AHNAK2: variants seen among roughly 807,000 people sequenced by gnomAD.
AHNAK2 encodes the protein protein AHNAK2.
In AHNAK2, 18 loss-of-function variants were observed where a neutral mutation model predicts 30.7. The ratio of observed to expected loss-of-function variants is 0.59; its 90% CI spans 0.41 to 0.87. The LOEUF (loss-of-function observed/expected upper bound fraction) is 0.87, where lower values mean the gene tolerates loss of function less well. AHNAK2 is among the 40% of genes least tolerant of loss of function. The pLI is 0.00. For synonymous variants in AHNAK2, 3,590 were observed against 3,073.8 expected (o/e 1.17, Z -5.56); for missense variants, 8,604 against 7,373.0 (o/e 1.17, Z -6.11).
At position 104,950,593 on chromosome 14, in the gene AHNAK2, A is replaced by G; in HGVS notation, c.4858T>C (p.Ser1620Pro). ...VEVTAPDVKM[S>P]LSSMEVDVQA... Reference sequence around the variant, plus strand: ...ACGTCCACCTCCATGCTGGACAGAGACATCTTCACATCGGGGGCTGTCACT... The same window carrying G: ...ACGTCCACCTCCATGCTGGACAGAGGCATCTTCACATCGGGGGCTGTCACT... The change falls in exon 7 of 7, where the codon TCT becomes CCT. Residue 1620 changes from serine to proline, a missense_variant. Physicochemically the swap from Ser to Pro is moderately conservative, Grantham distance 74. Coordinates refer to ENST00000333244, the MANE Select transcript of AHNAK2 (RefSeq NM_138420.4). 6.3e-7 allele frequency: 1 copy of G among 1,586,296 alleles called. No homozygotes were observed. Among genetic ancestry groups the G allele is most frequent in the Non-Finnish European group, 8.6e-7 (1 of 1,162,618 alleles).
rs549474173 is a variant in AHNAK2 at position 104,949,417 on chromosome 14, C to G, written c.6034G>C (p.Asp2012His). The G allele has an allele frequency of 9.5e-6, 15 of 1,586,746 alleles. 1 individual carries two copies. The Admixed American group carries it at 1.0e-4, about 11-fold the overall frequency. Residue 2012 changes from aspartate to histidine, a missense_variant, in exon 7 of 7, where the codon GAT becomes CAT. Asp to His is a moderately conservative substitution (Grantham distance 81). Coordinates refer to ENST00000333244, the MANE Select transcript of AHNAK2 (RefSeq NM_138420.4). ...APGRSIEASV[D>H]VPAPKVEADV... is the part of the protein sequence containing the mutation. ...GCCTCCACCTTGGGTGCAGGCACAT[C>G]CACCGAGGCCTCGATGGACCTCCCT...
intron 1 of AHNAK2, among the ~76,000 whole-genome samples, chr14:104,961,478 G>A (rs367582989): frequency 7.3e-5 from 11 of 150,598 alleles, no homozygotes; most frequent in African/African-American, 2.5e-4. Flanking sequence ...TCGCGTCACT[G>A]CACTCCAGCC....
Position 104,948,571 on chromosome 14 carries a change from TG to T in AHNAK2, c.6879del (p.Lys2294SerfsTer18). On this transcript the variant is annotated frameshift_variant, in exon 7 of 7. Transcript: ENST00000333244. LOFTEE classifies it low-confidence loss of function (END_TRUNC). ...CCCTCCAGCCGCGCACCATCCAGCT[TG>T]GCTCCTGGGGCCTTGACGTCCACCT... ...SVEVDVKAPG[A>X]KLDGARLEGD... 6.2e-7 allele frequency: 1 copy of T among 1,612,628 alleles called. No homozygotes were observed. The highest frequency in any genetic ancestry group is 1.1e-5 in the South Asian group (1 of 91,046).
chr14:104,957,186 C>G (rs979647292), intron 3 of AHNAK2, among the ~76,000 whole-genome samples: 1 of 152,220 alleles, frequency 6.6e-6, no homozygotes, highest in Non-Finnish European at 1.5e-5. Context: ...TCAGCCCATA[C>G]GCATGCTCAC....
chr14:104,967,823 G>A (rs557553535), intron 1 of AHNAK2, among the ~76,000 whole-genome samples: 130 of 152,310 alleles, frequency 8.5e-4, no homozygotes, highest in African/African-American at 2.9e-3. Flanking sequence ...CCTCGGACCC[G>A]CGCCAGTCGG....
Position 104,944,899 on chromosome 14 carries a change from C to T in AHNAK2, c.10552G>A (p.Ala3518Thr), listed in dbSNP as rs193275879. The T allele has an allele frequency of 8.2e-4, 1,308 of 1,604,624 alleles. 7 individuals carry two copies. Among genetic ancestry groups the T allele is most frequent in the Middle Eastern group, 4.5e-3 (27 of 6,014 alleles). Reference protein sequence around the residue: ...SLSSMQGDLKATDLSIQPPSA... With the variant: ...SLSSMQGDLKTTDLSIQPPSA... Reference sequence around the variant, plus strand: ...GGGGGCTGAATGCTGAGGTCAGTGGCCTTGAGGTCCCCCTGCATGGAGGAG... The same window carrying T: ...GGGGGCTGAATGCTGAGGTCAGTGGTCTTGAGGTCCCCCTGCATGGAGGAG... The change falls in exon 7 of 7, where the codon GCC (alanine) becomes ACC (threonine). Residue 3518 changes from alanine (A) to threonine (T), a missense_variant. Transcript: ENST00000333244.
rs576893354 is a variant in AHNAK2, at chr14:104,947,720, A to G, written c.7731T>C (p.Pro2577=). Residue 2577 remains proline, a synonymous_variant, in exon 7 of 7, where the codon CCT becomes CCC. Coordinates refer to ENST00000333244, the MANE Select transcript of AHNAK2 (RefSeq NM_138420.4). ...PKVQMPSFKM[P]EMDLKGPQLD... ...GCTGGGGGCCCTTGAGGTCCATTTC[A>G]GGCATCTTGAAACTGGGCATCTGCA... 212 of 1,608,920 alleles carry G rather than the reference A, an allele frequency of 1.3e-4. 1 individual carries two copies. The African/African-American group carries it at 1.7e-3, about 13-fold the overall frequency.
Position 104,949,856 on chromosome 14 carries a change from G to A in AHNAK2, c.5595C>T (p.Asp1865=), listed in dbSNP as rs1486126232. 2 of 1,587,688 alleles carry A rather than the reference G, an allele frequency of 1.3e-6. 1 individual carries two copies. The highest frequency in any genetic ancestry group is 4.5e-5 in the East Asian group (2 of 44,730). ...GAATGCAGAGGTCCGTGGTCTTGAGGTCCCCCTGCATGGAGGGGAGGCTCA... is the reference window on the plus strand; with the variant it reads ...GAATGCAGAGGTCCGTGGTCTTGAGATCCCCCTGCATGGAGGGGAGGCTCA... ...AEVSLPSMQG[D]LKTTDLCIPL... The change falls in exon 7 of 7, where the codon GAC becomes GAT. Residue 1865 remains aspartate, a synonymous_variant. Transcript: ENST00000333244.
At position 104,946,588 on chromosome 14, in the gene AHNAK2, G is replaced by C; in HGVS notation, c.8863C>G (p.Leu2955Val). The change falls in exon 7 of 7, where the codon CTG becomes GTG. Residue 2955 changes from leucine to valine, a missense_variant. By Grantham distance (32) the Leu-to-Val change is conservative. Coordinates refer to ENST00000333244, the MANE Select transcript of AHNAK2 (RefSeq NM_138420.4). ...TCACCCTCCAGCCGTGCACCATCCAGCTTTGCTCTCGGGGCCTCGACGTCC... is the reference window on the plus strand; with the variant it reads ...TCACCCTCCAGCCGTGCACCATCCACCTTTGCTCTCGGGGCCTCGACGTCC... ...EVDVEAPRAKLDGARLEGDLS... is the reference protein window; with the variant it reads ...EVDVEAPRAKVDGARLEGDLS... 2 of 1,612,416 alleles carry C rather than the reference G, an allele frequency of 1.2e-6. No homozygotes were observed. The highest frequency in any genetic ancestry group is 2.2e-5 in the East Asian group (1 of 44,726).
rs2013466 is a variant in AHNAK2, at chr14:104,950,574, A to G, written c.4877T>C (p.Val1626Ala). The change falls in exon 7 of 7, where the codon GTG becomes GCG. Residue 1626 changes from valine to alanine, a missense_variant. By Grantham distance (64) the Val-to-Ala change is moderately conservative (BLOSUM62 0). Transcript: ENST00000333244. ...DVKMSLSSME[V>A]DVQAPRAKLD... ...CTTTGCTCTCGGGGCCTGGACGTCC[A>G]CCTCCATGCTGGACAGAGACATCTT... 2,381 of 1,586,550 alleles carry G rather than the reference A, an allele frequency of 1.5e-3. 238 individuals are homozygous for G. In the African/African-American group the frequency reaches 0.03, roughly 20 times the overall value.
In AHNAK2 at chr14:104,946,499, C is replaced by T. The variant is rs762522122; in HGVS notation, c.8952G>A (p.Lys2984=). 2 of 1,612,620 alleles carry T rather than the reference C, an allele frequency of 1.2e-6. No individual in the cohort carries two copies. The highest frequency in any genetic ancestry group is 2.2e-5 in the South Asian group (2 of 91,012). The change falls in exon 7 of 7, where the codon AAG becomes AAA. Residue 2984 remains lysine, a synonymous_variant. Coordinates refer to ENST00000333244, the MANE Select transcript of AHNAK2 (RefSeq NM_138420.4). The stretch of plus-strand genomic sequence containing the variant: ...GGGCAGACACCCCGAACGACGGCAT[C>T]TTGAACTTGGGCATTTTGAACTTGC... ...KDSKFKMPKF[K]MPSFGVSAPG... is the part of the protein sequence containing the mutation.
At position 104,946,144 on chromosome 14, in the gene AHNAK2, C is replaced by G. The variant is rs746991459; in HGVS notation, c.9307G>C (p.Glu3103Gln). 1.2e-5 allele frequency: 20 copies of G among 1,612,636 alleles called. No homozygotes were observed. Among genetic ancestry groups the G allele is most frequent in the East Asian group, 2.2e-5 (1 of 44,788 alleles). The change falls in exon 7 of 7, where the codon GAG becomes CAG. Residue 3103 changes from glutamate to glutamine, a missense_variant. Physicochemically the swap from Glu to Gln is conservative, Grantham distance 29. Transcript: ENST00000333244. ...PKTDVTAPDVEVSQPGMEVDV... is the reference protein window; with the variant it reads ...PKTDVTAPDVQVSQPGMEVDV... ...ACCTCCATGCCGGGCTGAGACACCT[C>G]CACGTCGGGGGCCGTCACGTCCGTC...
intron 1 of AHNAK2, among the ~76,000 whole-genome samples, chr14:104,974,700 AC>A (rs1174264939): frequency 6.6e-6 from 1 of 152,136 alleles, no homozygotes; most frequent in African/African-American, 2.4e-5. Context: ...TGGCTTTGAG[AC>A]CCAGAAGGAT....
intron 1 of AHNAK2, among the ~76,000 whole-genome samples, chr14:104,960,246 C>T (rs1435423829): frequency 6.6e-6 from 1 of 152,156 alleles, no homozygotes; most frequent in Non-Finnish European, 1.5e-5. Flanking sequence ...TACAGTCAGC[C>T]TCTCATATCA....
In AHNAK2 at chr14:104,938,664, C is replaced by T. The variant is rs764335055; in HGVS notation, c.16787G>A (p.Gly5596Asp). Residue 5596 changes from glycine (G) to aspartate (D), a missense_variant, in exon 7 of 7, where the codon GGC becomes GAC. Physicochemically the swap from Gly to Asp is moderately conservative, Grantham distance 94 (BLOSUM62 -1). Coordinates refer to ENST00000333244, the MANE Select transcript of AHNAK2 (RefSeq NM_138420.4). ...QQTLTFEVPSGHQLADSCSDE... is the reference protein window; with the variant it reads ...QQTLTFEVPSDHQLADSCSDE... ...TGAACAGCTGTCTGCAAGCTGGTGG[C>T]CAGAAGGAACTTCAAATGTGAGTGT... The T allele has an allele frequency of 1.2e-6, 2 of 1,612,216 alleles. No homozygotes were observed. The highest frequency in any genetic ancestry group is 1.7e-6 in the Non-Finnish European group (2 of 1,179,102).
At position 104,953,017 on chromosome 14, in the gene AHNAK2, C is replaced by T. The variant is rs367920378; in HGVS notation, c.2434G>A (p.Gly812Ser). The T allele has an allele frequency of 3.4e-5, 55 of 1,613,076 alleles. No individual in the cohort carries two copies. The African/African-American group carries it at 4.7e-4, about 14-fold the overall frequency. Residue 812 changes from glycine to serine, a missense_variant, in exon 7 of 7, where the codon GGT (glycine) becomes AGT (serine). Gly to Ser is a moderately conservative substitution (Grantham distance 56, BLOSUM62 0). Coordinates refer to ENST00000333244, the MANE Select transcript of AHNAK2 (RefSeq NM_138420.4). ...DVQAPRAKLD[G>S]ARLEGDLSLA... ...GACAGGTCCCCCTCCAGCCGCGCACCATCCAGCTTTGCTCTCGGGGCCTGG... is the reference window on the plus strand; with the variant it reads ...GACAGGTCCCCCTCCAGCCGCGCACTATCCAGCTTTGCTCTCGGGGCCTGG...
rs28375591 is a variant in AHNAK2, at chr14:104,966,229, G to A, written c.56-8557C>T. Among the ~76,000 whole-genome samples the A allele has an allele frequency of 0.076, 11,554 of 151,984 alleles. 1,252 individuals carry two copies. Among genetic ancestry groups the A allele is most frequent in the East Asian group, 0.51 (2,640 of 5,130 alleles). ...CTCACCCCCACGTCATCCCGGCCCC[G>A]CCACCTTCCTACTGCTCCGGGGGCC... On this transcript the variant is annotated intron_variant, in intron 1 of 6. Transcript: ENST00000333244. The surrounding 1 kb of genome is among the most constrained non-coding windows in gnomAD (Gnocchi z 4.3).
At chr14:104,965,664 G>A (rs1261456735) in intron 1 of AHNAK2, among the ~76,000 whole-genome samples, 1 of 152,188 alleles carries the variant, frequency 6.6e-6, no homozygotes, top group Non-Finnish European at 1.5e-5. Flanking sequence ...ACACTGATTG[G>A]GAAGGAGCAT....
intron 1 of AHNAK2, among the ~76,000 whole-genome samples, chr14:104,974,128 C>T (rs1899542268): frequency 1.3e-5 from 2 of 152,242 alleles, no homozygotes; most frequent in African/African-American, 4.8e-5. Flanking sequence ...ATCTGGAGGC[C>T]CAGGCTGAGT....
Sources: gnomAD v4.1 joint callset for allele counts (sites outside exome capture counted in the v4.1 genomes callset) on GRCh38, gnomAD v4.1.1 for gene constraint, Gnocchi (gnomAD v3.1) non-coding constraint, MANE v1.5 for transcripts, NCBI Gene and HGNC (gene_info 2026-07-23, HGNC 2026-07-21) for gene names.